The following BICRA variants were observed in gnomAD, a reference collection of about 807,000 sequenced individuals.
The protein encoded by BICRA is BRD4 interacting chromatin remodeling complex associated protein.
A neutral mutation model predicts 96.9 loss-of-function variants in BICRA; 31 were observed. The observed-to-expected ratio is 0.32, with a 90% confidence interval of 0.24 to 0.43. BICRA has a LOEUF of 0.43. Ranked by LOEUF, BICRA falls within the 20% of genes least tolerant of loss-of-function variation. The pLI, the probability that BICRA is intolerant of heterozygous loss-of-function variation, is 1.00. For synonymous variants in BICRA, 1,350 were observed against 1,071.8 expected, an observed-to-expected ratio of 1.26 and a Z score of -5.07; for missense variants, 2,283 against 2,190.3, an observed-to-expected ratio of 1.04 and a Z score of -0.84.
intron 1 of BICRA, among the ~76,000 whole-genome samples, chr19:47,610,427 CG>C (rs1485467722): frequency 6.6e-6 from 1 of 152,212 alleles, no homozygotes; most frequent in Non-Finnish European, 1.5e-5. Context: ...TTCCTCTCCG[CG>C]CCCCTTTGTT....
chr19:47,623,844 CTCTT>C (rs1394950949), intron 1 of BICRA, among the ~76,000 whole-genome samples: 3 of 141,830 alleles, frequency 2.1e-5, no homozygotes, highest in Non-Finnish European at 4.7e-5. Context: ...TTCTCTCTCT[CTCTT>C]TTTTTTTTTT....
chr19:47,612,756 G>A (rs1419828305), intron 1 of BICRA, among the ~76,000 whole-genome samples: 2 of 152,084 alleles, frequency 1.3e-5, no homozygotes, highest in Non-Finnish European at 2.9e-5. Flanking sequence ...TTCCACGGCC[G>A]AGCTGGGACT....
chr19:47,639,163 C>G (rs541160523), intron 1 of BICRA, among the ~76,000 whole-genome samples: 6 of 150,300 alleles, frequency 4.0e-5, no homozygotes, highest in Non-Finnish European at 8.9e-5. Flanking sequence ...AGCACCATAC[C>G]TGACTAATTT....
At chr19:47,620,783 C>T (rs1334965573) in intron 1 of BICRA, among the ~76,000 whole-genome samples, 2 of 151,934 alleles carry the variant, frequency 1.3e-5, no homozygotes, top group African/African-American at 2.4e-5. Flanking sequence ...CTGGGAATCC[C>T]GATGAGTGGC....
chr19:47,674,338 A>T (rs1972911243), intron 4 of BICRA, among the ~76,000 whole-genome samples: 1 of 111,956 alleles, frequency 8.9e-6, no homozygotes, highest in African/African-American at 3.7e-5. Flanking sequence ...AGCCCGATAG[A>T]GGAGTTGTTA....
At chr19:47,614,247 T>C (rs1270720418) in intron 1 of BICRA, among the ~76,000 whole-genome samples, 2 of 152,204 alleles carry the variant, frequency 1.3e-5, no homozygotes, top group Non-Finnish European at 2.9e-5. Context: ...CCTGGTCCCC[T>C]AGCTCTCTTC....
intron 1 of BICRA, among the ~76,000 whole-genome samples, chr19:47,666,204 A>G (rs1972776537): frequency 6.6e-6 from 1 of 152,210 alleles, no homozygotes. Flanking sequence ...GAGCCTCAGA[A>G]TCAGTCAAGG....
chr19:47,700,970 G>A (rs1973432050), intron 14 of BICRA: 1 of 327,344 alleles, frequency 3.1e-6, no homozygotes, highest in Non-Finnish European at 5.6e-6. Context: ...AGAGACAGGG[G>A]TCTCACTACT....
intron 1 of BICRA, among the ~76,000 whole-genome samples, chr19:47,653,977 C>T (rs1177509364): frequency 2.6e-5 from 4 of 152,230 alleles, no homozygotes; most frequent in Middle Eastern, 3.4e-3. Context: ...GTATTACAAG[C>T]GTGAGCCACC....
intron 7 of BICRA, among the ~76,000 whole-genome samples, chr19:47,693,580 C>G (rs557124694): frequency 6.6e-6 from 1 of 152,222 alleles, no homozygotes; most frequent in Admixed American, 6.5e-5. Flanking sequence ...CCATCAACCC[C>G]GAGCCATGGT....
intron 1 of BICRA, chr19:47,661,571 T>C (rs1464760689): frequency 2.0e-5 from 3 of 152,178 alleles, no homozygotes; most frequent in African/African-American, 7.2e-5. Context: ...TGGGCAGCAT[T>C]TATTTACCAA....
chr19:47,696,563 TG>T, intron 11 of BICRA, 51 bp downstream of exon 11: 2 of 1,504,120 alleles, frequency 1.3e-6, no homozygotes, highest in East Asian at 2.5e-5. Context: ...TCCAGAGACC[TG>T]GGGGAGCATG....
At chr19:47,614,833 T>G (rs1286814069) in intron 1 of BICRA, among the ~76,000 whole-genome samples, 2 of 152,090 alleles carry the variant, frequency 1.3e-5, no homozygotes. Context: ...AAGGTTTCTG[T>G]GTGAAGCATG....
At chr19:47,681,307 C>T (rs778611533) in intron 6 of BICRA, 31 bp downstream of exon 6, 9 of 1,534,720 alleles carry the variant, frequency 5.9e-6, no homozygotes, top group South Asian at 1.2e-5. Context: ...GAGCAGGTAC[C>T]GGAGGAGGCG....
At chr19:47,623,314 G>T (rs1328935943) in intron 1 of BICRA, among the ~76,000 whole-genome samples, 1 of 152,038 alleles carries the variant, frequency 6.6e-6, no homozygotes, top group East Asian at 1.9e-4. Context: ...CGCCTTGTTG[G>T]TTACCTGTCC....
In BICRA at chr19:47,698,584, C is replaced by CCT; in HGVS notation, c.3249-50_3249-49insCT. 4 of 785,680 alleles carry CCT rather than the reference C, an allele frequency of 5.1e-6. No homozygotes were observed. The highest frequency in any genetic ancestry group is 2.5e-5 in the East Asian group (1 of 39,330). The allele number at this position is 785,680 out of a possible 1,614,324, so 48.7% of individuals were successfully genotyped here. Reference sequence around the variant, plus strand: ...TCAGGGACTTCCCCTGGCCCTCACCCGTCCCCCCCACCCTCCGCCGTGTGT... The same window carrying CCT: ...TCAGGGACTTCCCCTGGCCCTCACCCCTGTCCCCCCCACCCTCCGCCGTGTGT... On this transcript the variant is annotated intron_variant, in intron 11 of 14. Coordinates refer to ENST00000594866, the MANE Select transcript of BICRA (RefSeq NM_001394372.1). This position sits in a 1 kb window ranked among gnomAD's most constrained non-coding sequence, Gnocchi z 4.8.
chr19:47,678,113 A>T (rs1228053556), intron 5 of BICRA, among the ~76,000 whole-genome samples: 1 of 151,858 alleles, frequency 6.6e-6, no homozygotes, highest in Non-Finnish European at 1.5e-5. Context: ...ATTTTTATTT[A>T]TTTTTGTTTT....
At chr19:47,626,617 A>G (rs1169267179) in intron 1 of BICRA, among the ~76,000 whole-genome samples, 1 of 135,564 alleles carries the variant, frequency 7.4e-6, no homozygotes, top group Non-Finnish European at 1.5e-5. Flanking sequence ...CATGTTGCCC[A>G]GGGTGGTCTT....
upstream of BICRA, chr19:47,609,133 C>G (rs1045502168): frequency 6.7e-6 from 1 of 149,340 alleles, no homozygotes; most frequent in Non-Finnish European, 1.5e-5. Flanking sequence ...GGGGCCGTCT[C>G]GGAGACCCCG....
Sources: gnomAD v4.1 joint callset for allele counts (sites outside exome capture counted in the v4.1 genomes callset) on GRCh38, gnomAD v4.1.1 for gene constraint, Gnocchi (gnomAD v3.1) non-coding constraint, MANE v1.5 for transcripts, NCBI Gene and HGNC (gene_info 2026-07-23, HGNC 2026-07-21) for gene names.